ZFHX3: variants seen among roughly 807,000 people sequenced by gnomAD.
The protein encoded by ZFHX3 is zinc finger homeobox 3.
In ZFHX3, 42 loss-of-function variants were observed where a neutral mutation model predicts 279.1. The observed-to-expected ratio is 0.15, with a 90% CI of 0.12 to 0.19. ZFHX3 has a LOEUF of 0.19. Among genes scored for constraint, ZFHX3 ranks in the 10% least tolerant of loss-of-function variants. The probability of loss-of-function intolerance (pLI) is 1.00; values close to 1 mark genes in which losing one functional copy is unlikely to be tolerated. For synonymous variants in ZFHX3, 2,293 were observed against 1,957.8 expected, an observed-to-expected ratio of 1.17 and a Z score of -4.52; for missense variants, 4,981 against 4,754.0, an observed-to-expected ratio of 1.05 and a Z score of -1.40.
intron 1 of ZFHX3, among the ~76,000 whole-genome samples, chr16:73,031,850 G>C (rs944557908): frequency 1.3e-5 from 2 of 152,162 alleles, no homozygotes. Flanking sequence ...AGAATGGGAG[G>C]AGTTAGAGTG....
chr16:73,795,664 T>C (rs547472317), intron 1 of ZFHX3, among the ~76,000 whole-genome samples: 4 of 152,234 alleles, frequency 2.6e-5, no homozygotes, highest in Non-Finnish European at 5.9e-5. Flanking sequence ...CTGTGGCCAC[T>C]GCTGCCCAGT....
At chr16:73,748,679 A>G (rs556407582) in intron 1 of ZFHX3, among the ~76,000 whole-genome samples, 16 of 152,338 alleles carry the variant, frequency 1.1e-4, no homozygotes, top group Non-Finnish European at 2.2e-4. Context: ...TTCTAAAATC[A>G]GATTATATCA....
At chr16:72,849,595 T>C (rs2037561385) in intron 4 of ZFHX3, among the ~76,000 whole-genome samples, 1 of 152,176 alleles carries the variant, frequency 6.6e-6, no homozygotes, top group Non-Finnish European at 1.5e-5. Context: ...TAACATTAAT[T>C]ACCACGTTCC....
In ZFHX3 at chr16:73,678,809, T is replaced by C. The variant is rs535544245; in HGVS notation, c.-1547+1371A>G. Among the ~76,000 whole-genome samples, 5 of 152,302 alleles carry C rather than the reference T, an allele frequency of 3.3e-5. No homozygotes were observed. In the East Asian group the frequency reaches 9.7e-4, roughly 29 times the overall value. On this transcript the variant is annotated intron_variant, in intron 2 of 17. Coordinates refer to the ZFHX3 transcript ENST00000641206. ...CATTTACAGCTTGCTTCAGTGATTC[T>C]GCAAAATCAGTCCATACCATTAGCA...
At chr16:73,592,198 A>T (rs1597016333) in intron 2 of ZFHX3, among the ~76,000 whole-genome samples, 1 of 152,216 alleles carries the variant, frequency 6.6e-6, no homozygotes, top group East Asian at 1.9e-4. Flanking sequence ...ACACCACTGT[A>T]CTCCAGCATG....
At chr16:73,262,801 A>C (rs186441481) in intron 4 of ZFHX3, among the ~76,000 whole-genome samples, 1 of 151,686 alleles carries the variant, frequency 6.6e-6, no homozygotes, top group East Asian at 1.9e-4. Flanking sequence ...TGCTCCTCTC[A>C]CTCTTGGAAT....
At chr16:73,721,167 G>C (rs2053469943) in intron 1 of ZFHX3, among the ~76,000 whole-genome samples, 1 of 151,894 alleles carries the variant, frequency 6.6e-6, no homozygotes, top group Non-Finnish European at 1.5e-5. Context: ...CTGTCGCCAG[G>C]CTGGCATGCA....
intron 5 of ZFHX3, among the ~76,000 whole-genome samples, chr16:73,223,003 C>G (rs534129764): frequency 1.3e-5 from 2 of 152,206 alleles, no homozygotes; most frequent in East Asian, 3.9e-4. Context: ...GGTGGAACAA[C>G]TGGACATCCA....
intron 7 of ZFHX3, among the ~76,000 whole-genome samples, chr16:73,117,858 A>G (rs1966450425): frequency 2.6e-5 from 4 of 152,252 alleles, no homozygotes; most frequent in Admixed American, 2.6e-4. Context: ...GGACACAGAA[A>G]AGATGACTGT....
At chr16:72,982,385 G>A (rs1469376919) in intron 1 of ZFHX3, among the ~76,000 whole-genome samples, 2 of 152,164 alleles carry the variant, frequency 1.3e-5, no homozygotes, top group African/African-American at 4.8e-5. Flanking sequence ...TTCTACTGTG[G>A]TGCTCTTGGC....
intron 2 of ZFHX3, among the ~76,000 whole-genome samples, 169 bp downstream of exon 2, chr16:72,957,258 C>A (rs1567603991): frequency 6.6e-6 from 1 of 152,204 alleles, no homozygotes; most frequent in Non-Finnish European, 1.5e-5. Context: ...TGTACACACA[C>A]AGTTCAAGGG....
At chr16:73,134,088 G>A (rs1184446565) in intron 6 of ZFHX3, among the ~76,000 whole-genome samples, 3 of 152,108 alleles carry the variant, frequency 2.0e-5, no homozygotes, top group Non-Finnish European at 4.4e-5. Flanking sequence ...CTATGAGGTA[G>A]GTGTGCTTAA....
chr16:73,579,873 T>TATATATATATATATAC (rs879701579), intron 2 of ZFHX3, among the ~76,000 whole-genome samples: 5 of 145,430 alleles, frequency 3.4e-5, no homozygotes, highest in African/African-American at 1.0e-4. Context: ...TATATATATA[T>TATATATATATATATAC]ACATACACAC....
At chr16:73,489,902 T>G (rs1311738431) in intron 2 of ZFHX3, among the ~76,000 whole-genome samples, 1 of 152,200 alleles carries the variant, frequency 6.6e-6, no homozygotes. Context: ...TGTTCTACAA[T>G]GTCAAAATTT....
At chr16:73,478,269 A>AAAAAAAAAAAAAAAAAAGTCAG (rs2018798846) in intron 2 of ZFHX3, among the ~76,000 whole-genome samples, 3 of 149,570 alleles carry the variant, frequency 2.0e-5, no homozygotes, top group South Asian at 2.2e-4. Context: ...CATCTCAAAA[A>AAAAAAAAAAAAAAAAAAGTCAG]AAAAAAAAAA....
chr16:73,313,716 C>T (rs866097042), intron 4 of ZFHX3, among the ~76,000 whole-genome samples: 4 of 152,320 alleles, frequency 2.6e-5, no homozygotes, highest in African/African-American at 9.6e-5. Context: ...ACAGCCCACA[C>T]TATGTGTCAG....
chr16:72,936,313 T>C (rs987582944), intron 3 of ZFHX3, among the ~76,000 whole-genome samples: 1 of 152,218 alleles, frequency 6.6e-6, no homozygotes, highest in Admixed American at 6.5e-5. Context: ...TCAATATTTA[T>C]TGAGCTGGTG....
chr16:73,764,235 C>T (rs138241128), intron 1 of ZFHX3, among the ~76,000 whole-genome samples: 112 of 152,316 alleles, frequency 7.4e-4, no homozygotes, highest in African/African-American at 2.6e-3. Flanking sequence ...TCACTTCTTG[C>T]CCCCAACGCT....
In ZFHX3 at chr16:73,011,693, AG is replaced by A. The variant is rs1179177424; in HGVS notation, c.-50+36058del. Among the ~76,000 whole-genome samples, 5 of 152,096 alleles carry A rather than the reference AG, an allele frequency of 3.3e-5. No homozygotes were observed. In the East Asian group the frequency reaches 7.8e-4, roughly 24 times the overall value. The stretch of plus-strand genomic sequence containing the variant: ...CATGGATATCATGCCACTGCATTCC[AG>A]GCTAGTGACAGAGCAAGACTCAATC... On this transcript the variant is annotated intron_variant, in intron 1 of 9. Coordinates refer to ENST00000268489, the MANE Select transcript of ZFHX3 (RefSeq NM_006885.4).
Sources: gnomAD v4.1 joint callset for allele counts (sites outside exome capture counted in the v4.1 genomes callset) on GRCh38, gnomAD v4.1.1 for gene constraint, MANE v1.5 for transcripts, NCBI Gene and HGNC (gene_info 2026-07-23, HGNC 2026-07-21) for gene names.